Variants in ESR1 observed in about 807,000 individuals in gnomAD.
ESR1 encodes the protein estrogen receptor.
A neutral mutation model predicts 52.7 loss-of-function variants in ESR1; 12 were observed. The ratio of observed to expected loss-of-function variants is 0.23; its 90% CI spans 0.15 to 0.37. ESR1 has a LOEUF of 0.37. Ranked by LOEUF, ESR1 falls within the 10% of genes least tolerant of loss-of-function variation. The probability of loss-of-function intolerance (pLI) is 1.00; values close to 1 mark genes in which losing one functional copy is unlikely to be tolerated. For missense variants in ESR1, 584 were observed against 779.7 expected, an observed-to-expected ratio of 0.75 and a Z score of 2.99; for synonymous variants, 305 against 316.8, an observed-to-expected ratio of 0.96 and a Z score of 0.39.
chr6:152,032,618 C>A (rs1359097502), intron 5 of ESR1, among the ~76,000 whole-genome samples: 2 of 152,138 alleles, frequency 1.3e-5, no homozygotes, highest in African/African-American at 4.8e-5. Flanking sequence ...GAACTACAAA[C>A]CACTGCTCAA....
At position 152,101,013 on chromosome 6, in the gene ESR1, A is replaced by G. The variant is rs911119969; in HGVS notation, c.*2047A>G. ...TTTAATTTGACTGGGTTAACATGCA[A>G]AAACCAAGGAAAAATATTTAGTTTT... On this transcript the variant is annotated 3_prime_UTR_variant, in exon 8 of 8. Transcript: ENST00000206249. The G allele has an allele frequency of 1.7e-5, 4 of 231,136 alleles. No homozygotes were observed. Among genetic ancestry groups the G allele is most frequent in the Non-Finnish European group, 3.4e-5 (4 of 117,076 alleles). 14.3% of individuals were successfully genotyped at this position (231,136 alleles called of 1,614,324 possible). A position where few individuals can be genotyped will look rare whatever the true frequency, so the allele number is the denominator to read the frequency against.
rs570672812 is a variant in ESR1 at position 151,891,701 on chromosome 6, A to G, written c.760+10930A>G. Among the ~76,000 whole-genome samples the G allele has an allele frequency of 2.0e-5, 3 of 152,296 alleles. No homozygotes were observed. In the South Asian group the frequency reaches 6.2e-4, roughly 32 times the overall value. On this transcript the variant is annotated intron_variant, in intron 3 of 7. Transcript: ENST00000206249. The stretch of plus-strand genomic sequence containing the variant: ...TATGCGTCTGCCTGGCTGACCTGTT[A>G]GTAACATAAAGTGTCATGAGAGATA...
At chr6:151,852,337 G>T (rs1254181387) in intron 2 of ESR1, among the ~76,000 whole-genome samples, 1 of 152,094 alleles carries the variant, frequency 6.6e-6, no homozygotes, top group Admixed American at 6.6e-5. Flanking sequence ...CTTCTTGAAG[G>T]TTGCACATTA....
In ESR1 at chr6:151,808,030, G is replaced by A; in HGVS notation, c.118G>A (p.Gly40Ser). Reference sequence around the variant, plus strand: ...CAAGATCCCCCTGGAGCGGCCCCTGGGCGAGGTGTACCTGGACAGCAGCAA... The same window carrying A: ...CAAGATCCCCCTGGAGCGGCCCCTGAGCGAGGTGTACCTGGACAGCAGCAA... ...QLKIPLERPL[G>S]EVYLDSSKPA... is the part of the protein sequence containing the mutation. Residue 40 changes from glycine (G) to serine (S), a missense_variant, in exon 1 of 8, where the codon GGC (glycine) becomes AGC (serine). Around this residue, in one of 6 missense-constraint regions of ESR1, gnomAD observed 251 missense variants for 246.1 expected, o/e 1.02. Transcript: ENST00000206249. 1.2e-6 allele frequency: 2 copies of A among 1,613,832 alleles called. No homozygotes were observed. Among genetic ancestry groups the A allele is most frequent in the Non-Finnish European group, 1.7e-6 (2 of 1,179,966 alleles).
In ESR1 at chr6:151,715,344, G is replaced by T. The variant is rs572474658; in HGVS notation, c.-71+13339G>T. Among the ~76,000 whole-genome samples the T allele has an allele frequency of 7.9e-5, 12 of 152,292 alleles. No individual in the cohort carries two copies. The East Asian group carries it at 2.1e-3, about 27-fold the overall frequency. On this transcript the variant is annotated intron_variant, in intron 2 of 2. Transcript: ENST00000404742. Reference sequence around the variant, plus strand: ...GGTTGCTCTTCTCGAGAGTATCTTTGTGATGTTCTCTGTATTTCCTGAATT... The same window carrying T: ...GGTTGCTCTTCTCGAGAGTATCTTTTTGATGTTCTCTGTATTTCCTGAATT...
At chr6:152,046,792 T>C (rs2046264765) in intron 5 of ESR1, among the ~76,000 whole-genome samples, 1 of 152,204 alleles carries the variant, frequency 6.6e-6, no homozygotes, top group Admixed American at 6.5e-5. Context: ...TGGATAGCAT[T>C]ACTCTCCTGA....
At chr6:151,883,051 T>G (rs182816284) in intron 3 of ESR1, among the ~76,000 whole-genome samples, 111 of 152,204 alleles carry the variant, frequency 7.3e-4, no homozygotes, top group African/African-American at 2.6e-3. Context: ...CGGAAATTAA[T>G]TTTCTCCCAA....
At chr6:151,853,432 C>T (rs1583687972) in intron 2 of ESR1, among the ~76,000 whole-genome samples, 1 of 152,130 alleles carries the variant, frequency 6.6e-6, no homozygotes, top group African/African-American at 2.4e-5. Context: ...TTTGTGCACA[C>T]ATGCACGCAT....
chr6:151,899,070 T>TG (rs1407671903), intron 3 of ESR1, among the ~76,000 whole-genome samples: 1 of 76,576 alleles, frequency 1.3e-5, no homozygotes, highest in African/African-American at 4.9e-5. Context: ...GCTGGCCGGG[T>TG]GGGGGGCTGA....
chr6:151,739,403 C>T lies in ESR1; in HGVS notation c.-71+37398C>T, dbSNP rs370131537. On this transcript the variant is annotated intron_variant, in intron 2 of 2. Coordinates refer to the ESR1 transcript ENST00000404742. The stretch of plus-strand genomic sequence containing the variant: ...ACAGGTTCTTTTCTGGGGAATTTTT[C>T]TAGCACCAGGTATTTTCTGTTTATC... Among the ~76,000 whole-genome samples the T allele has an allele frequency of 3.7e-4, 56 of 152,280 alleles. No individual in the cohort carries two copies. The East Asian group carries it at 7.5e-3, about 20-fold the overall frequency.
chr6:151,821,877 C>T (rs899626500), intron 1 of ESR1, among the ~76,000 whole-genome samples: 3 of 151,950 alleles, frequency 2.0e-5, no homozygotes, highest in Non-Finnish European at 2.9e-5. Context: ...TAATATTGTT[C>T]CAGGAAATGA....
chr6:152,065,756 T>C (rs1331925328), intron 6 of ESR1, among the ~76,000 whole-genome samples: 1 of 152,174 alleles, frequency 6.6e-6, no homozygotes, highest in East Asian at 1.9e-4. Context: ...GCTGCTGGCT[T>C]CTGCATCACT....
At chr6:151,657,044 T>C (rs1327895396) in intron 1 of ESR1, among the ~76,000 whole-genome samples, 1 of 152,206 alleles carries the variant, frequency 6.6e-6, no homozygotes, top group Non-Finnish European at 1.5e-5. Context: ...TTTTGGACTG[T>C]AAAGTTAGCC....
chr6:152,115,917 T>C (rs1562798315), intron 6 of ESR1, among the ~76,000 whole-genome samples: 1 of 152,172 alleles, frequency 6.6e-6, no homozygotes, highest in African/African-American at 2.4e-5. Flanking sequence ...GACCTTCAAG[T>C]AACTACTGAT....
At chr6:151,899,675 TCAGA>T (rs1333493640) in intron 3 of ESR1, among the ~76,000 whole-genome samples, 21 of 142,984 alleles carry the variant, frequency 1.5e-4, no homozygotes, top group Non-Finnish European at 7.6e-5. Flanking sequence ...TCCTCACTTC[TCAGA>T]CAGGGCGGTT....
At chr6:151,912,750 T>A (rs1031641362) in intron 3 of ESR1, among the ~76,000 whole-genome samples, 1 of 152,306 alleles carries the variant, frequency 6.6e-6, no homozygotes, top group Admixed American at 6.5e-5. Flanking sequence ...TAAAGCAGAA[T>A]GAGTTCCTGT....
In ESR1 at chr6:152,092,957, C is replaced by T. The variant is rs559199439; in HGVS notation, c.1370-1428C>T. ...GTGTGTTAGGAAGGATATATGAAAGCTCAAAGGTCAAGTGAAAAAAATGTA... is the reference window on the plus strand; with the variant it reads ...GTGTGTTAGGAAGGATATATGAAAGTTCAAAGGTCAAGTGAAAAAAATGTA... On this transcript the variant is annotated intron_variant, in intron 6 of 7. Transcript: ENST00000206249. Among the ~76,000 whole-genome samples, 13 of 152,234 alleles carry T rather than the reference C, an allele frequency of 8.5e-5. No individual in the cohort carries two copies. In the South Asian group the frequency reaches 1.7e-3, roughly 19 times the overall value.
chr6:152,011,927 A>T, intron 5 of ESR1, 133 bp downstream of exon 5: 5 of 899,610 alleles, frequency 5.6e-6, no homozygotes, highest in Non-Finnish European at 6.8e-6. Flanking sequence ...AAAAGAGTGC[A>T]TTGGGGGTGA....
At chr6:151,738,912 ACT>A (rs1204619175) in intron 2 of ESR1, among the ~76,000 whole-genome samples, 1 of 152,096 alleles carries the variant, frequency 6.6e-6, no homozygotes, top group Admixed American at 6.6e-5. Context: ...CAATGTTGAT[ACT>A]CTGATTACCT....
Sources: gnomAD v4.1 joint callset for allele counts (sites outside exome capture counted in the v4.1 genomes callset) on GRCh38, gnomAD v4.1.1 for gene constraint, gnomAD v4.1.1 regional missense constraint, MANE v1.5 for transcripts, NCBI Gene and HGNC (gene_info 2026-07-23, HGNC 2026-07-21) for gene names.